The following GABRG1 variants were observed in gnomAD, a reference collection of about 807,000 sequenced individuals.
The protein encoded by GABRG1 is gamma-aminobutyric acid receptor subunit gamma-1.
GABRG1 carries 49 observed loss-of-function variants against 49.8 expected under a neutral mutation model. That is an observed-to-expected ratio of 0.98 (90% CI 0.78 to 1.25). GABRG1 has a LOEUF of 1.25. Ranked by LOEUF, GABRG1 falls within the 50% of genes most tolerant of loss-of-function variation. The pLI, the probability that GABRG1 is intolerant of heterozygous loss-of-function variation, is 0.00. For missense variants in GABRG1, 552 were observed against 552.3 expected (o/e 1.00, Z 0.01); for synonymous variants, 232 against 185.1 (o/e 1.25, Z -2.06).
At chr4:46,078,093 TA>T (rs1402700723) in intron 3 of GABRG1, among the ~76,000 whole-genome samples, 2 of 151,794 alleles carry the variant, frequency 1.3e-5, no homozygotes, top group African/African-American at 4.8e-5. Flanking sequence ...AAAAAGTTAA[TA>T]TATGCAGAAG....
intron 1 of GABRG1, among the ~76,000 whole-genome samples, chr4:46,120,154 G>A (rs1721051786): frequency 6.6e-6 from 1 of 151,606 alleles, no homozygotes; most frequent in African/African-American, 2.4e-5. Context: ...GTAAAGGCCA[G>A]GATTCTCACT....
chr4:46,065,321 G>C, intron 4 of GABRG1, 43 bp downstream of exon 4: 4 of 1,322,442 alleles, frequency 3.0e-6, no homozygotes, highest in Non-Finnish European at 4.2e-6. Flanking sequence ...TATTAGTATG[G>C]AAAATAAATG....
At chr4:46,108,619 C>T (rs781296520) in intron 1 of GABRG1, among the ~76,000 whole-genome samples, 4 of 150,736 alleles carry the variant, frequency 2.7e-5, no homozygotes, top group Non-Finnish European at 4.5e-5. Flanking sequence ...TCTCCATGAG[C>T]GTGGGATTTT....
At chr4:46,104,739 T>C (rs756902115) in intron 1 of GABRG1, among the ~76,000 whole-genome samples, 1 of 151,484 alleles carries the variant, frequency 6.6e-6, no homozygotes, top group African/African-American at 2.4e-5. Flanking sequence ...TTGACAAATG[T>C]CTATTAGGTG....
chr4:46,053,539 A>G (rs1203200132), intron 7 of GABRG1, among the ~76,000 whole-genome samples: 2 of 151,998 alleles, frequency 1.3e-5, no homozygotes, highest in Non-Finnish European at 2.9e-5. Context: ...GGCTAAAAAA[A>G]TGATATATAC....
At chr4:46,114,533 AAGGTATTT>A (rs1486533196) in intron 1 of GABRG1, among the ~76,000 whole-genome samples, 17 of 151,048 alleles carry the variant, frequency 1.1e-4, no homozygotes, top group African/African-American at 4.1e-4. Context: ...AAGCAATTTG[AAGGTATTT>A]AGGTATTTAA....
chr4:46,073,778 AAG>A (rs1242263457), intron 3 of GABRG1, among the ~76,000 whole-genome samples: 1 of 152,082 alleles, frequency 6.6e-6, no homozygotes, highest in Non-Finnish European at 1.5e-5. Flanking sequence ...TACGCACAAT[AAG>A]AGACTGACAA....
chr4:46,051,642 T>C lies in GABRG1; in HGVS notation c.917-4A>G, dbSNP rs201125055. On this transcript the variant is annotated splice_polypyrimidine_tract_variant and splice_region_variant and intron_variant, in intron 7 of 8. Transcript: ENST00000295452. ...ATAGTCAGAACTGTAGTGATACCTATAGAGAGAGGAAACAAAACAGGAAAT... is the reference window on the plus strand; with the variant it reads ...ATAGTCAGAACTGTAGTGATACCTACAGAGAGAGGAAACAAAACAGGAAAT... 3.0e-4 allele frequency: 465 copies of C among 1,545,610 alleles called. No homozygotes were observed. Among genetic ancestry groups the C allele is most frequent in the Middle Eastern group, 1.6e-3 (9 of 5,500 alleles).
intron 1 of GABRG1, among the ~76,000 whole-genome samples, chr4:46,112,013 C>T (rs1423564803): frequency 6.6e-6 from 1 of 151,234 alleles, no homozygotes; most frequent in Non-Finnish European, 1.5e-5. Context: ...AACTGAAGAG[C>T]TTCTGCAGAG....
At chr4:46,106,137 A>G (rs1361263413) in intron 1 of GABRG1, among the ~76,000 whole-genome samples, 1 of 151,510 alleles carries the variant, frequency 6.6e-6, no homozygotes, top group South Asian at 2.1e-4. Flanking sequence ...CAAGTTGTTT[A>G]GAATAGGGTA....
chr4:46,047,902 T>C (rs1236880733), intron 8 of GABRG1, among the ~76,000 whole-genome samples: 2 of 152,038 alleles, frequency 1.3e-5, no homozygotes, highest in Middle Eastern at 3.2e-3. Context: ...ATTCTATCTC[T>C]TTTTTGTCTC....
Position 46,072,386 on chromosome 4 carries a change from T to G in GABRG1, c.322-6802A>C, listed in dbSNP as rs578216572. 1.8e-4 allele frequency among the ~76,000 whole-genome samples: 27 copies of G among 152,174 alleles called. No individual in the cohort carries two copies. The South Asian group carries it at 5.0e-3, about 28-fold the overall frequency. On this transcript the variant is annotated intron_variant, in intron 3 of 8. Transcript: ENST00000295452. ...AGCCTGGCTAAGTTGACATGTAAAA[T>G]TAACCATCACAGAGCTATTAACAGT... is the stretch of plus-strand genomic sequence containing the variant.
chr4:46,122,335 T>G (rs1041837320), intron 1 of GABRG1, among the ~76,000 whole-genome samples: 3 of 152,134 alleles, frequency 2.0e-5, no homozygotes, highest in Admixed American at 2.0e-4. Flanking sequence ...GATAAAAGGT[T>G]GTTATTTCAG....
chr4:46,106,851 T>G (rs2109437825), intron 1 of GABRG1, among the ~76,000 whole-genome samples: 1 of 151,318 alleles, frequency 6.6e-6, no homozygotes, highest in South Asian at 2.1e-4. Flanking sequence ...AGGAAGAATC[T>G]GTCATGCATG....
intron 2 of GABRG1, among the ~76,000 whole-genome samples, chr4:46,091,424 T>G (rs1235740922): frequency 6.6e-6 from 1 of 151,930 alleles, no homozygotes; most frequent in Non-Finnish European, 1.5e-5. Context: ...CACATAACCT[T>G]AAACAGAGAG....
Position 46,065,368 on chromosome 4 carries a change from G to T in GABRG1, c.538C>A (p.Leu180Ile). The T allele has an allele frequency of 3.2e-6, 5 of 1,565,552 alleles. No homozygotes were observed. The South Asian group carries it at 4.4e-5, about 14-fold the overall frequency. The change falls in exon 4 of 9, where the codon CTA becomes ATA. Residue 180 changes from leucine (L) to isoleucine (I), a missense_variant. By Grantham distance (5) the Leu-to-Ile change is conservative. Transcript: ENST00000295452. ...IWNDGRVLYT[L>I]RLTINAECYL... ...AGATTTTTAAACCAATATTACCTTA[G>T]AGTATACAGAACTCGTCCATCATTC...
At position 46,077,979 on chromosome 4, in the gene GABRG1, T is replaced by C. The variant is rs541376476; in HGVS notation, c.321+6007A>G. Among the ~76,000 whole-genome samples, 19 of 151,836 alleles carry C rather than the reference T, an allele frequency of 1.3e-4. 1 individual carries two copies. The South Asian group carries it at 1.7e-3, about 13-fold the overall frequency. ...CAGCGATGAAAATGACTTTTATTTA[T>C]TTCTAATATTTAATTTTTTCTCTAT... is the stretch of plus-strand genomic sequence containing the variant. On this transcript the variant is annotated intron_variant, in intron 3 of 8. Coordinates refer to ENST00000295452, the MANE Select transcript of GABRG1 (RefSeq NM_173536.4).
chr4:46,063,733 G>T (rs573691918), intron 5 of GABRG1, among the ~76,000 whole-genome samples: 2 of 152,158 alleles, frequency 1.3e-5, no homozygotes, highest in South Asian at 4.2e-4. Context: ...TACCATCAGA[G>T]TGAACAGGCA....
chr4:46,053,213 T>A (rs1718303731), intron 7 of GABRG1, among the ~76,000 whole-genome samples: 1 of 151,060 alleles, frequency 6.6e-6, no homozygotes, highest in African/African-American at 2.4e-5. Context: ...TTTACTTCCT[T>A]TTTTGTTAGA....
Sources: allele counts gnomAD v4.1 joint callset (sites outside exome capture counted in the v4.1 genomes callset), GRCh38; gene constraint gnomAD v4.1.1; transcripts MANE v1.5; gene names NCBI Gene and HGNC (gene_info 2026-07-23, HGNC 2026-07-21).